ACBD5: variants seen among roughly 807,000 people sequenced by gnomAD.
The protein encoded by ACBD5 is acyl-CoA binding domain containing 5.
Under a neutral mutation model 71.8 loss-of-function variants are expected in ACBD5, and 40 were observed. The ratio of observed to expected loss-of-function variants is 0.56; its 90% CI spans 0.43 to 0.72. The LOEUF is 0.72. Among genes scored for constraint, ACBD5 ranks in the 30% least tolerant of loss-of-function variants. ACBD5 has a pLI of 0.00. For synonymous variants in ACBD5, 229 were observed against 218.6 expected, an observed-to-expected ratio of 1.05 and a Z score of -0.42; for missense variants, 559 against 644.5, an observed-to-expected ratio of 0.87 and a Z score of 1.44.
chr10:27,211,131 C>T, intron 8 of ACBD5, 50 bp from the exon 9 acceptor site: 2 of 1,586,740 alleles, frequency 1.3e-6, no homozygotes, highest in Non-Finnish European at 8.6e-7. Flanking sequence ...GTGAATTATA[C>T]ACCACAAAGT....
At chr10:27,198,511 T>A (rs80099910) in intron 12 of ACBD5, among the ~76,000 whole-genome samples, 2 of 152,180 alleles carry the variant, frequency 1.3e-5, no homozygotes, top group African/African-American at 4.8e-5. Flanking sequence ...TTTTAAACAA[T>A]CAGATCATTC....
At chr10:27,234,739 G>C (rs649623) in intron 3 of ACBD5, among the ~76,000 whole-genome samples, 151,368 of 152,326 alleles carry the variant, frequency 0.99, 75,214 homozygotes, top group Middle Eastern at 1. Context: ...CGAGACCAGC[G>C]TGGCCAACAT....
chr10:27,235,128 C>T lies in ACBD5; in HGVS notation c.266G>A (p.Arg89Lys). The T allele has an allele frequency of 3.7e-6, 6 of 1,613,954 alleles. No individual in the cohort carries two copies. The highest frequency in any genetic ancestry group is 5.1e-6 in the Non-Finnish European group (6 of 1,179,952). The stretch of plus-strand genomic sequence containing the variant: ...TCCAATAGGATCCCAAAATCCAGGC[C>T]TTGAAAGTTTACAGGGTCCTTCAGT... ...QATEGPCKLS[R>K]PGFWDPIGRY... Residue 89 changes from arginine to lysine, a missense_variant, in exon 3 of 13, where the codon AGG (arginine) becomes AAG (lysine). By Grantham distance (26) the Arg-to-Lys change is conservative. Coordinates refer to ENST00000396271, the MANE Select transcript of ACBD5 (RefSeq NM_145698.5).
intron 12 of ACBD5, among the ~76,000 whole-genome samples, chr10:27,201,527 G>C (rs560788295): frequency 3.3e-5 from 5 of 152,360 alleles, no homozygotes; most frequent in South Asian, 4.1e-4. Flanking sequence ...CACAGCTTGA[G>C]TGTGCTGGCT....
Position 27,217,989 on chromosome 10 carries a change from T to C in ACBD5, c.820A>G (p.Ile274Val), listed in dbSNP as rs1322272427. Reference sequence around the variant, plus strand: ...TATTTGGGGACAATACCTTGGTGAATGCAAACAGCAGATTTTCCAGTTTGC... The same window carrying C: ...TATTTGGGGACAATACCTTGGTGAACGCAAACAGCAGATTTTCCAGTTTGC... ...LGQTGKSAVC[I>V]HQDINDDHVE... The change falls in exon 7 of 13, where the codon ATT (isoleucine) becomes GTT (valine). Residue 274 changes from isoleucine (I) to valine (V), a missense_variant. By Grantham distance (29) the Ile-to-Val change is conservative. Coordinates refer to ENST00000396271, the MANE Select transcript of ACBD5 (RefSeq NM_145698.5). The C allele has an allele frequency of 6.2e-7, 1 of 1,614,048 alleles. No individual in the cohort carries two copies. The highest frequency in any genetic ancestry group is 1.3e-5 in the African/African-American group (1 of 74,942).
At chr10:27,202,104 A>G (rs2059988082) in intron 12 of ACBD5, among the ~76,000 whole-genome samples, 1 of 152,106 alleles carries the variant, frequency 6.6e-6, no homozygotes, top group Non-Finnish European at 1.5e-5. Flanking sequence ...TCTAACACAG[A>G]ACCTATCTCT....
chr10:27,238,279 T>C (rs1589416136), intron 2 of ACBD5, among the ~76,000 whole-genome samples: 1 of 152,200 alleles, frequency 6.6e-6, no homozygotes, highest in African/African-American at 2.4e-5. Flanking sequence ...ACCCGGCCGA[T>C]AGGGTATGTT....
In ACBD5 at chr10:27,223,058, G is replaced by A. The variant is rs762120230; in HGVS notation, c.490+280C>T. On this transcript the variant is annotated intron_variant, in intron 5 of 12. Coordinates refer to ENST00000396271, the MANE Select transcript of ACBD5 (RefSeq NM_145698.5). Reference sequence around the variant, plus strand: ...TACCACTTAAGGGTTAAAATTTTAAGGGTTTATAATGTTTTGGAACTTCAT... The same window carrying A: ...TACCACTTAAGGGTTAAAATTTTAAAGGTTTATAATGTTTTGGAACTTCAT... 452 of 630,854 alleles carry A rather than the reference G, an allele frequency of 7.2e-4. 5 individuals are homozygous for A. The highest frequency in any genetic ancestry group is 1.2e-4 in the Non-Finnish European group (41 of 349,062). The allele number at this position is 630,854 out of a possible 1,614,324, so 39.1% of individuals were successfully genotyped here. A position where few individuals can be genotyped will look rare whatever the true frequency, so the allele number is the denominator to read the frequency against.
At chr10:27,204,696 T>G in intron 11 of ACBD5, 147 bp from the exon 12 acceptor site, 1 of 690,348 alleles carries the variant, frequency 1.4e-6, no homozygotes, top group Non-Finnish European at 2.6e-6. Context: ...ATTCTGCATT[T>G]CAGAGTATAA....
intron 11 of ACBD5, 134 bp downstream of exon 11, chr10:27,205,064 T>G: frequency 2.6e-6 from 2 of 782,056 alleles, no homozygotes; most frequent in South Asian, 2.9e-5. Flanking sequence ...GAGGCAGAGC[T>G]TGCAGTGAGC....
intron 12 of ACBD5, among the ~76,000 whole-genome samples, chr10:27,202,138 G>A (rs2136678242): frequency 6.6e-6 from 1 of 152,130 alleles, no homozygotes; most frequent in South Asian, 2.1e-4. Context: ...ACTGCTCTCT[G>A]GTCTTCATTC....
At chr10:27,240,846 C>A (rs983465951), upstream of ACBD5, 1 of 1,145,228 alleles carries the variant, frequency 8.7e-7, no homozygotes, top group Non-Finnish European at 1.3e-6. The surrounding 1 kb of genome is among the most constrained non-coding windows in gnomAD (Gnocchi z 4.1). Flanking sequence ...ACCGGAGGAC[C>A]CACTGGCGCC....
At chr10:27,209,626 C>G (rs1442147379) in intron 9 of ACBD5, among the ~76,000 whole-genome samples, 1 of 152,092 alleles carries the variant, frequency 6.6e-6, no homozygotes, top group Non-Finnish European at 1.5e-5. Context: ...CCCAGCCATC[C>G]AAAAGATTTT....
chr10:27,224,174 T>C (rs1234103341), intron 4 of ACBD5, among the ~76,000 whole-genome samples: 3 of 146,646 alleles, frequency 2.0e-5, no homozygotes, highest in Non-Finnish European at 3.0e-5. Flanking sequence ...GAGACTTGCC[T>C]GGGCAACATA....
At chr10:27,202,265 T>C (rs1258588242) in intron 12 of ACBD5, among the ~76,000 whole-genome samples, 1 of 152,212 alleles carries the variant, frequency 6.6e-6, no homozygotes, top group East Asian at 1.9e-4. Context: ...CAACCACAGT[T>C]AATCTATTAC....
chr10:27,219,684 A>G, intron 6 of ACBD5, 39 bp downstream of exon 6: 1 of 1,611,584 alleles, frequency 6.2e-7, no homozygotes, highest in Non-Finnish European at 8.5e-7. Flanking sequence ...CTCTTAGTTT[A>G]TTTATTGCAA....
intron 5 of ACBD5, among the ~76,000 whole-genome samples, chr10:27,220,649 G>GT (rs1333712897): frequency 1.3e-5 from 2 of 152,174 alleles, no homozygotes; most frequent in Admixed American, 1.3e-4. Flanking sequence ...ACTGCAATCT[G>GT]TATCAAAATC....
intron 3 of ACBD5, among the ~76,000 whole-genome samples, chr10:27,232,936 T>C (rs1258728819): frequency 2.0e-5 from 3 of 152,104 alleles, no homozygotes; most frequent in Non-Finnish European, 4.4e-5. Context: ...TTATATTAAA[T>C]AATATTTAAT....
At chr10:27,206,311 T>TAA (rs975197298) in intron 10 of ACBD5, among the ~76,000 whole-genome samples, 1 of 143,332 alleles carries the variant, frequency 7.0e-6, no homozygotes. Context: ...AAATATTCTT[T>TAA]AAAAAAAAAA....
Sources: allele counts gnomAD v4.1 joint callset (sites outside exome capture counted in the v4.1 genomes callset), GRCh38; gene constraint gnomAD v4.1.1; non-coding constraint Gnocchi (gnomAD v3.1); transcripts MANE v1.5; gene names NCBI Gene and HGNC (gene_info 2026-07-23, HGNC 2026-07-21).